The following LRRK2 variants were observed in gnomAD, a reference collection of about 807,000 sequenced individuals.
LRRK2 encodes leucine rich repeat kinase 2.
Under a neutral mutation model 302.6 loss-of-function variants are expected in LRRK2, and 203 were observed. That is an observed-to-expected ratio of 0.67 (90% CI 0.60 to 0.75). The LOEUF (loss-of-function observed/expected upper bound fraction) is 0.75. LRRK2 is among the 30% of genes least tolerant of loss of function. The pLI is 0.00. For synonymous variants in LRRK2, 1,066 were observed against 1,031.9 expected (o/e 1.03, Z -0.63); for missense variants, 2,830 against 2,951.0 (o/e 0.96, Z 0.95).
intron 31 of LRRK2, among the ~76,000 whole-genome samples, chr12:40,311,526 A>T (rs557624251): frequency 6.6e-6 from 1 of 152,206 alleles, no homozygotes; most frequent in Non-Finnish European, 1.5e-5. Flanking sequence ...TGGCTGATAA[A>T]TAGAGTCCTA....
intron 41 of LRRK2, among the ~76,000 whole-genome samples, chr12:40,345,643 A>T (rs1163117064): frequency 6.6e-6 from 1 of 150,644 alleles, no homozygotes; most frequent in Non-Finnish European, 1.5e-5. Context: ...AAAAAAAAAA[A>T]AAGAAAGAAA....
intron 40 of LRRK2, among the ~76,000 whole-genome samples, chr12:40,339,669 T>G (rs549371519): frequency 6.6e-6 from 1 of 152,180 alleles, no homozygotes; most frequent in Non-Finnish European, 1.5e-5. Context: ...ATTAGGTTTA[T>G]GGTAAATTAT....
chr12:40,293,468 A>G (rs2136705636), intron 20 of LRRK2, 77 bp from the exon 21 acceptor site: 1 of 888,398 alleles, frequency 1.1e-6, no homozygotes, highest in Non-Finnish European at 1.8e-6. Context: ...TCCATGATTG[A>G]ACTATGATAG....
At position 40,308,682 on chromosome 12, in the gene LRRK2, T is replaced by A; in HGVS notation, c.4175T>A (p.Val1392Glu). 6.2e-7 allele frequency: 1 copy of A among 1,613,716 alleles called. No homozygotes were observed. The highest frequency in any genetic ancestry group is 8.5e-7 in the Non-Finnish European group (1 of 1,179,810). The change falls in exon 29 of 51, where the codon GTG (valine) becomes GAG (glutamate). Residue 1392 changes from valine to glutamate, a missense_variant. Physicochemically the swap from Val to Glu is moderately radical, Grantham distance 121. This residue lies in a region of LRRK2 where 2,121 missense variants were observed against 2,148.0 expected (regional missense o/e 0.99). Transcript: ENST00000298910. The part of the protein sequence containing the change: ...DKRKRDLVLN[V>E]WDFAGREEFY... ...AGAAAGAGAGATCTCGTCCTAAATG[T>A]GTGGGATTTTGCAGGTATTTCTTTC...
At chr12:40,304,473 A>AT (rs1944743792) in intron 27 of LRRK2, 1 of 281,332 alleles carries the variant, frequency 3.6e-6, no homozygotes. Context: ...AAACAGCTAG[A>AT]TATAAATTTG....
At chr12:40,282,348 G>T (rs936483708) in intron 18 of LRRK2, among the ~76,000 whole-genome samples, 1 of 151,892 alleles carries the variant, frequency 6.6e-6, no homozygotes, top group African/African-American at 2.4e-5. Context: ...GTAATGTAAA[G>T]CCCTTTGCAT....
chr12:40,319,974 C>A lies in LRRK2; in HGVS notation c.4828-14C>A. 6.2e-7 allele frequency: 1 copy of A among 1,603,996 alleles called. No individual in the cohort carries two copies. The highest frequency in any genetic ancestry group is 8.5e-7 in the Non-Finnish European group (1 of 1,174,688). On this transcript the variant is annotated splice_polypyrimidine_tract_variant and intron_variant, in intron 33 of 50. Transcript: ENST00000298910. ...AATAAATTTTAGTGATTATTTATGA[C>A]TCGAATCTTTCAGATTTTGACAGTG... is the stretch of plus-strand genomic sequence containing the variant.
chr12:40,316,101 A>G (rs935373678), intron 33 of LRRK2, among the ~76,000 whole-genome samples: 2 of 152,062 alleles, frequency 1.3e-5, no homozygotes, highest in Non-Finnish European at 2.9e-5. Context: ...ACCCTAGTTG[A>G]GAAACATTAA....
intron 3 of LRRK2, 73 bp downstream of exon 3, chr12:40,232,456 C>A (rs1443606508): frequency 7.4e-6 from 8 of 1,087,064 alleles, no homozygotes; most frequent in Non-Finnish European, 1.4e-6. Flanking sequence ...TCCCTTGATA[C>A]ACTGTGTTTG....
In LRRK2 at chr12:40,298,778, A is replaced by AATATATATATATAT. The variant is rs113272586; in HGVS notation, c.3347+293_3347+306dup. ...CAGAGGCGAGACTCTGTCTCAAAGA[A>AATATATATATATAT]ATATATATATATATATATATAATAT... On this transcript the variant is annotated intron_variant, in intron 24 of 50. Transcript: ENST00000298910. Among the ~76,000 whole-genome samples the AATATATATATATAT allele has an allele frequency of 9.5e-3, 573 of 60,630 alleles. 37 individuals are homozygous for AATATATATATATAT. Among genetic ancestry groups the AATATATATATATAT allele is most frequent in the South Asian group, 0.045 (65 of 1,448 alleles). The allele number at this position is 60,630 out of a possible 152,430, so 39.8% of individuals were successfully genotyped here.
At chr12:40,292,362 C>G (rs60242724) in intron 20 of LRRK2, among the ~76,000 whole-genome samples, 3,611 of 152,074 alleles carry the variant, frequency 0.024, 160 homozygotes, top group African/African-American at 0.082. Flanking sequence ...ACATTTGTTA[C>G]TCTATCATGC....
chr12:40,296,740 T>G, intron 23 of LRRK2, among the ~76,000 whole-genome samples: 1 of 152,122 alleles, frequency 6.6e-6, no homozygotes, highest in Non-Finnish European at 1.5e-5. Context: ...TTTAAGTATA[T>G]TTAAGGGATG....
At position 40,274,962 on chromosome 12, in the gene LRRK2, G is replaced by A. The variant is rs775900740; in HGVS notation, c.1910G>A (p.Arg637Gln). 2.7e-5 allele frequency: 44 copies of A among 1,613,780 alleles called. No homozygotes were observed. The highest frequency in any genetic ancestry group is 3.0e-5 in the Non-Finnish European group (35 of 1,179,928). Residue 637 changes from arginine to glutamine, a missense_variant, in exon 16 of 51, where the codon CGA (arginine) becomes CAA (glutamine). By Grantham distance (43) the Arg-to-Gln change is conservative. This residue lies in a region of LRRK2 where 2,121 missense variants were observed against 2,148.0 expected (regional missense o/e 0.99). Coordinates refer to ENST00000298910, the MANE Select transcript of LRRK2 (RefSeq NM_198578.4). ...AAAATTCTGGTTTCCAGCTTATACC[G>A]ATTTAAGGATGTTGCTGAAATACAG... ...LAKILVSSLY[R>Q]FKDVAEIQTK...
intron 5 of LRRK2, 87 bp from the exon 6 acceptor site, chr12:40,240,396 C>G: frequency 1.6e-6 from 2 of 1,239,708 alleles, no homozygotes; most frequent in South Asian, 2.5e-5. Context: ...GTATCTCACA[C>G]AACTATAATG....
chr12:40,226,526 G>A (rs983178689), intron 2 of LRRK2, among the ~76,000 whole-genome samples: 10 of 152,132 alleles, frequency 6.6e-5, no homozygotes, highest in African/African-American at 2.4e-4. Context: ...CTTTAAAGTG[G>A]TGTGGGTCTA....
chr12:40,305,640 C>A, intron 27 of LRRK2, 145 bp from the exon 28 acceptor site: 1 of 754,558 alleles, frequency 1.3e-6, no homozygotes, highest in East Asian at 2.6e-5. Flanking sequence ...TATGACAAAC[C>A]TTTGGAAAGT....
intron 25 of LRRK2, 85 bp from the exon 26 acceptor site, chr12:40,302,704 A>C: frequency 1.1e-6 from 1 of 931,862 alleles, no homozygotes; most frequent in East Asian, 2.4e-5. Context: ...TAAGTGACAC[A>C]CTATTGGTAG....
intron 14 of LRRK2, among the ~76,000 whole-genome samples, 190 bp from the exon 15 acceptor site, chr12:40,274,393 C>G (rs955340978): frequency 2.6e-5 from 4 of 151,998 alleles, no homozygotes; most frequent in African/African-American, 9.7e-5. Context: ...AACAAGCTCT[C>G]CTTAATTGTA....
At chr12:40,360,946 C>T (rs2137034925) in intron 47 of LRRK2, among the ~76,000 whole-genome samples, 1 of 152,248 alleles carries the variant, frequency 6.6e-6, no homozygotes, top group South Asian at 2.1e-4. Flanking sequence ...TCCATTGCAT[C>T]TAATGTTTTC....
Sources: allele counts gnomAD v4.1 joint callset (sites outside exome capture counted in the v4.1 genomes callset), GRCh38; gene constraint gnomAD v4.1.1; regional missense constraint gnomAD v4.1.1; transcripts MANE v1.5; gene names NCBI Gene and HGNC (gene_info 2026-07-23, HGNC 2026-07-21).